The following IPO7 variants were observed in gnomAD, a reference collection of about 807,000 sequenced individuals.
The protein encoded by IPO7 is importin 7.
In IPO7, 13 loss-of-function variants were observed where a neutral mutation model predicts 136.4. That is an observed-to-expected ratio of 0.10 (90% CI 0.06 to 0.15). The LOEUF is 0.15. Ranked by LOEUF, IPO7 falls within the 10% of genes least tolerant of loss-of-function variation. The pLI is 1.00. For missense variants in IPO7, 857 were observed against 1,240.6 expected (o/e 0.69, Z 4.65); for synonymous variants, 403 against 404.4 (o/e 1.00, Z 0.04).
At chr11:9,425,836 G>A (rs1419788038) in intron 12 of IPO7, among the ~76,000 whole-genome samples, 2 of 149,518 alleles carry the variant, frequency 1.3e-5, no homozygotes, top group African/African-American at 5.0e-5. Flanking sequence ...CCGAGATCAC[G>A]CCACTGCAAT....
Position 9,406,104 on chromosome 11 carries a change from C to CTTTTT in IPO7, c.167-2358_167-2354dup, listed in dbSNP as rs71062847. Among the ~76,000 whole-genome samples the CTTTTT allele has an allele frequency of 7.6e-4, 47 of 61,838 alleles. 14 individuals are homozygous for CTTTTT. Among genetic ancestry groups the CTTTTT allele is most frequent in the Admixed American group, 1.2e-3 (4 of 3,278 alleles). 40.6% of individuals were successfully genotyped at this position (61,838 alleles called of 152,430 possible). A position where few individuals can be genotyped will look rare whatever the true frequency, so the allele number is the denominator to read the frequency against. ...ATCTCACTATGTTGCTGAGGCTGGTCTTTTTTTTTTTTTTTTTTTTTTTTT... is the reference window on the plus strand; with the variant it reads ...ATCTCACTATGTTGCTGAGGCTGGTCTTTTTTTTTTTTTTTTTTTTTTTTTTTTTT... On this transcript the variant is annotated intron_variant, in intron 2 of 24. Coordinates refer to ENST00000379719, the MANE Select transcript of IPO7 (RefSeq NM_006391.3).
intron 23 of IPO7, among the ~76,000 whole-genome samples, chr11:9,441,237 G>A (rs1042390045): frequency 2.6e-5 from 4 of 152,012 alleles, no homozygotes; most frequent in African/African-American, 7.3e-5. Context: ...CTGGAGCCAC[G>A]TACACTGTTA....
At chr11:9,414,583 A>G (rs536415263) in intron 5 of IPO7, 172 bp downstream of exon 5, 4 of 321,266 alleles carry the variant, frequency 1.2e-5, no homozygotes, top group South Asian at 7.2e-5. Context: ...AAACAAGCAT[A>G]CTTCCTCCCC....
At chr11:9,401,495 GA>G (rs1194665391) in intron 1 of IPO7, among the ~76,000 whole-genome samples, 6 of 150,942 alleles carry the variant, frequency 4.0e-5, no homozygotes, top group African/African-American at 1.5e-4. Context: ...AGCAGTTTAG[GA>G]CCAGCCTGGG....
intron 1 of IPO7, among the ~76,000 whole-genome samples, chr11:9,393,766 GA>G (rs1258377799): frequency 6.6e-6 from 1 of 151,838 alleles, no homozygotes; most frequent in Admixed American, 6.6e-5. Context: ...AAAATTTTTA[GA>G]AAAAAGAAAG....
intron 1 of IPO7, among the ~76,000 whole-genome samples, chr11:9,386,365 A>G (rs1037607028): frequency 1.6e-4 from 24 of 152,220 alleles, no homozygotes; most frequent in Admixed American, 9.8e-4. Context: ...AACCATTACC[A>G]AACTATGGAA....
chr11:9,438,065 T>TG lies in IPO7; in HGVS notation c.2490-15_2490-14insG, dbSNP rs1554956354. The TG allele has an allele frequency of 7.0e-5, 75 of 1,064,438 alleles. No homozygotes were observed. The highest frequency in any genetic ancestry group is 8.8e-5 in the Non-Finnish European group (68 of 771,082). The allele number at this position is 1,064,438 out of a possible 1,614,324, so 65.9% of individuals were successfully genotyped here. A position where few individuals can be genotyped will look rare whatever the true frequency, so the allele number is the denominator to read the frequency against. On this transcript the variant is annotated splice_polypyrimidine_tract_variant and intron_variant, in intron 21 of 24. Transcript: ENST00000379719. ...AAACAGTTTTTTTTTTTTTTTTTTT[T>TG]TTTTTTTTTTTTAGGCTTCATGACA... is the stretch of plus-strand genomic sequence containing the variant.
At chr11:9,427,557 G>A (rs568683124) in intron 12 of IPO7, among the ~76,000 whole-genome samples, 1 of 152,306 alleles carries the variant, frequency 6.6e-6, no homozygotes, top group South Asian at 2.1e-4. Context: ...ACTGCACCCG[G>A]CCGTCTTTCA....
Position 9,447,918 on chromosome 11 carries a change from C to T in IPO7, c.*2724C>T, listed in dbSNP as rs186540683. Reference sequence around the variant, plus strand: ...GAGCATGAGTGGCAAAACCACAGCCCTTGGGCCATATGCTGCTATTCAGTC... The same window carrying T: ...GAGCATGAGTGGCAAAACCACAGCCTTTGGGCCATATGCTGCTATTCAGTC... On this transcript the variant is annotated 3_prime_UTR_variant, in exon 25 of 25. Transcript: ENST00000379719. 1.2e-3 allele frequency: 187 copies of T among 152,204 alleles called. No individual in the cohort carries two copies. Among genetic ancestry groups the T allele is most frequent in the African/African-American group, 4.4e-3 (181 of 41,518 alleles). 9.4% of individuals were successfully genotyped at this position (152,204 alleles called of 1,614,324 possible).
chr11:9,437,512 C>T (rs940485166), intron 20 of IPO7, among the ~76,000 whole-genome samples: 17 of 152,242 alleles, frequency 1.1e-4, no homozygotes, highest in Non-Finnish European at 2.1e-4. Context: ...CCTCAGCCTC[C>T]CAAAGTGCTG....
intron 1 of IPO7, chr11:9,392,339 G>A (rs533061167): frequency 1.1e-4 from 30 of 273,792 alleles, no homozygotes; most frequent in African/African-American, 5.4e-4. Flanking sequence ...TACCACGTCC[G>A]GCTAATTTTG....
chr11:9,396,433 T>C (rs1247447261), intron 1 of IPO7, among the ~76,000 whole-genome samples: 2 of 152,166 alleles, frequency 1.3e-5, no homozygotes, highest in African/African-American at 4.8e-5. Flanking sequence ...CATAGTTCAG[T>C]GTTGTCGATT....
At position 9,384,677 on chromosome 11, in the gene IPO7, A is replaced by T; in HGVS notation, c.-87A>T. On this transcript the variant is annotated 5_prime_UTR_variant, in exon 1 of 25. Transcript: ENST00000379719. ...CCTTTCGCGCCGGTTGCCGCTGCGGAGCGCGGCGGGTCCATGTGCGCAGTG... is the reference window on the plus strand; with the variant it reads ...CCTTTCGCGCCGGTTGCCGCTGCGGTGCGCGGCGGGTCCATGTGCGCAGTG... The T allele has an allele frequency of 8.9e-7, 1 of 1,120,500 alleles. No homozygotes were observed. Among genetic ancestry groups the T allele is most frequent in the Non-Finnish European group, 1.3e-6 (1 of 784,996 alleles). 69.4% of individuals were successfully genotyped at this position (1,120,500 alleles called of 1,614,324 possible). A position where few individuals can be genotyped will look rare whatever the true frequency, so the allele number is the denominator to read the frequency against.
intron 20 of IPO7, among the ~76,000 whole-genome samples, chr11:9,436,789 C>G (rs907891773): frequency 1.5e-5 from 2 of 136,100 alleles, no homozygotes; most frequent in Non-Finnish European, 3.0e-5. Context: ...TCTCCTGCCT[C>G]AGCCTCCCAA....
In IPO7 at chr11:9,428,129, G is replaced by GA. The variant is rs535529269; in HGVS notation, c.1336-401dup. ...AGCAAGACTCCGTCTCAAAAAAAAAGAAAAAAAAAAGAGTGTGCCTTTTTA... is the reference window on the plus strand; with the variant it reads ...AGCAAGACTCCGTCTCAAAAAAAAAGAAAAAAAAAAAGAGTGTGCCTTTTTA... On this transcript the variant is annotated intron_variant, in intron 12 of 24. Transcript: ENST00000379719. Among the ~76,000 whole-genome samples the GA allele has an allele frequency of 1.1e-3, 161 of 146,288 alleles. 1 individual carries two copies. In the South Asian group the frequency reaches 0.012, roughly 11 times the overall value.
Position 9,411,513 on chromosome 11 carries a change from G to A in IPO7, c.479+1427G>A, listed in dbSNP as rs909116134. ...GTGGGTAGTGAGGAGACTGCTTAAT[G>A]GTGCTGATAATTTCCAGTGAGAGGT... On this transcript the variant is annotated intron_variant, in intron 4 of 24. Coordinates refer to ENST00000379719, the MANE Select transcript of IPO7 (RefSeq NM_006391.3). 2.0e-5 allele frequency among the ~76,000 whole-genome samples: 3 copies of A among 152,142 alleles called. No homozygotes were observed. In the South Asian group the frequency reaches 6.2e-4, roughly 31 times the overall value.
intron 5 of IPO7, chr11:9,414,617 A>ATTT (rs1339652663): frequency 2.0e-4 from 26 of 127,008 alleles, no homozygotes; most frequent in Non-Finnish European, 3.6e-4. Flanking sequence ...ACCCTAATGA[A>ATTT]TCTTTTTTTT....
chr11:9,440,739 G>T, intron 23 of IPO7, 78 bp downstream of exon 23: 1 of 1,157,508 alleles, frequency 8.6e-7, no homozygotes, highest in Non-Finnish European at 1.3e-6. Context: ...TAAAGGAAGA[G>T]TTTGGAGGAT....
intron 1 of IPO7, 71 bp downstream of exon 1, chr11:9,384,918 C>G: frequency 6.3e-6 from 8 of 1,264,958 alleles, no homozygotes; most frequent in Non-Finnish European, 8.9e-6. Context: ...GCCCCCGGGG[C>G]CTGGCCGGAG....
Sources: allele counts gnomAD v4.1 joint callset (sites outside exome capture counted in the v4.1 genomes callset), GRCh38; gene constraint gnomAD v4.1.1; transcripts MANE v1.5; gene names NCBI Gene and HGNC (gene_info 2026-07-23, HGNC 2026-07-21).